The following STK39 variants were observed in gnomAD, a reference collection of about 807,000 sequenced individuals.
The protein encoded by STK39 is serine/threonine kinase 39.
Under a neutral mutation model 77.8 loss-of-function variants are expected in STK39, and 20 were observed. The ratio of observed to expected loss-of-function variants is 0.26; its 90% CI spans 0.18 to 0.37. The LOEUF (loss-of-function observed/expected upper bound fraction) is 0.37, where lower values mean the gene tolerates loss of function less well. Ranked by LOEUF, STK39 falls within the 10% of genes least tolerant of loss-of-function variation. The pLI is 1.00. For synonymous variants in STK39, 246 were observed against 234.1 expected (o/e 1.05, Z -0.47); for missense variants, 479 against 656.5 (o/e 0.73, Z 2.95).
At chr2:168,032,432 GT>G (rs1422727312) in intron 14 of STK39, among the ~76,000 whole-genome samples, 1 of 152,174 alleles carries the variant, frequency 6.6e-6, no homozygotes, top group African/African-American at 2.4e-5. Context: ...GGGGTAATGT[GT>G]TTTCCATACC....
At chr2:168,084,860 A>G (rs192789042) in intron 10 of STK39, among the ~76,000 whole-genome samples, 2 of 152,344 alleles carry the variant, frequency 1.3e-5, no homozygotes, top group Admixed American at 1.3e-4. Flanking sequence ...AGAATTCAGA[A>G]AGGTCTAAGG....
chr2:168,084,243 G>A (rs1267210101), intron 10 of STK39, among the ~76,000 whole-genome samples: 1 of 152,114 alleles, frequency 6.6e-6, no homozygotes, highest in African/African-American at 2.4e-5. Flanking sequence ...GGATGTGCTA[G>A]GACTTGAGGA....
intron 5 of STK39, among the ~76,000 whole-genome samples, chr2:168,160,676 T>G (rs1688546591): frequency 6.6e-6 from 1 of 152,182 alleles, no homozygotes; most frequent in South Asian, 2.1e-4. Flanking sequence ...TACTAAGTGG[T>G]GGCCTCAGAA....
Position 168,110,709 on chromosome 2 carries a change from C to T in STK39, c.1089+18832G>A, listed in dbSNP as rs185055109. ...TTATTTGATTCCCTTTATCATTTGT[C>T]TATCCCTAATGTCACAATGTTTTAT... On this transcript the variant is annotated intron_variant, in intron 10 of 17. Transcript: ENST00000355999. Among the ~76,000 whole-genome samples, 20 of 152,256 alleles carry T rather than the reference C, an allele frequency of 1.3e-4. No individual in the cohort carries two copies. In the East Asian group the frequency reaches 3.7e-3, roughly 28 times the overall value.
At chr2:168,121,722 C>T (rs1265121654) in intron 10 of STK39, among the ~76,000 whole-genome samples, 2 of 152,148 alleles carry the variant, frequency 1.3e-5, no homozygotes, top group Admixed American at 6.5e-5. Context: ...TCCAGTCTTC[C>T]GTAGCCACAA....
At chr2:168,126,868 G>T (rs115149839) in intron 10 of STK39, among the ~76,000 whole-genome samples, 4 of 152,208 alleles carry the variant, frequency 2.6e-5, no homozygotes, top group African/African-American at 9.6e-5. Context: ...CAGGATAACA[G>T]CAAAACAGGC....
chr2:168,052,055 C>T (rs1009738510), intron 14 of STK39, among the ~76,000 whole-genome samples: 5 of 151,550 alleles, frequency 3.3e-5, no homozygotes, highest in Non-Finnish European at 5.9e-5. Context: ...AGAAACATAG[C>T]ACATCCACAC....
chr2:168,112,044 G>T (rs1687132674), intron 10 of STK39, among the ~76,000 whole-genome samples: 1 of 151,914 alleles, frequency 6.6e-6, no homozygotes, highest in Admixed American at 6.6e-5. Flanking sequence ...CAATTAGGAT[G>T]GTCCCTGCTC....
intron 10 of STK39, among the ~76,000 whole-genome samples, chr2:168,097,086 G>A (rs555014241): frequency 7.9e-5 from 12 of 152,310 alleles, no homozygotes; most frequent in African/African-American, 2.6e-4. Flanking sequence ...GTACCACCAA[G>A]TATATCACTT....
At chr2:168,093,202 C>T (rs935840069) in intron 10 of STK39, among the ~76,000 whole-genome samples, 3 of 152,234 alleles carry the variant, frequency 2.0e-5, no homozygotes, top group Non-Finnish European at 4.4e-5. Context: ...ACCATCTTCT[C>T]AAACTCCCAT....
chr2:168,161,483 T>G (rs1397518769), intron 5 of STK39, among the ~76,000 whole-genome samples: 1 of 152,244 alleles, frequency 6.6e-6, no homozygotes, highest in Non-Finnish European at 1.5e-5. Context: ...TACAAGTGCA[T>G]TTCTTGAAGT....
At chr2:168,224,845 T>C (rs963471846) in intron 1 of STK39, among the ~76,000 whole-genome samples, 5 of 152,220 alleles carry the variant, frequency 3.3e-5, no homozygotes, top group African/African-American at 1.2e-4. Flanking sequence ...CCAGCAACAA[T>C]TCCTGCAAAA....
chr2:168,006,882 A>G (rs1016076399), intron 16 of STK39, among the ~76,000 whole-genome samples: 1 of 152,160 alleles, frequency 6.6e-6, no homozygotes. Flanking sequence ...ATGTCACTAT[A>G]CTGGCCCTTC....
chr2:168,220,945 G>A (rs371919928), intron 1 of STK39, among the ~76,000 whole-genome samples: 35 of 152,192 alleles, frequency 2.3e-4, no homozygotes, highest in Middle Eastern at 6.8e-3. Flanking sequence ...CTTTGGCTTC[G>A]AATGCTGATC....
At chr2:168,245,368 T>C (rs1225337689) in intron 1 of STK39, among the ~76,000 whole-genome samples, 2 of 152,216 alleles carry the variant, frequency 1.3e-5, no homozygotes, top group African/African-American at 2.4e-5. Flanking sequence ...AGGGATCACT[T>C]TTGTTAATTT....
chr2:168,036,355 C>T (rs1046587302), intron 14 of STK39, among the ~76,000 whole-genome samples: 7 of 150,848 alleles, frequency 4.6e-5, no homozygotes, highest in African/African-American at 1.7e-4. Flanking sequence ...AGGACTCCAT[C>T]AGAGTCAGAA....
intron 1 of STK39, among the ~76,000 whole-genome samples, chr2:168,187,904 G>A (rs1015814265): frequency 6.6e-6 from 1 of 152,098 alleles, no homozygotes; most frequent in Non-Finnish European, 1.5e-5. Flanking sequence ...ACATTAGCCT[G>A]TAACATTAGT....
intron 10 of STK39, among the ~76,000 whole-genome samples, chr2:168,124,397 T>A (rs1247464117): frequency 6.6e-6 from 1 of 152,060 alleles, no homozygotes; most frequent in Non-Finnish European, 1.5e-5. Context: ...ATGTGGGTTA[T>A]ATTTTTTATT....
intron 14 of STK39, among the ~76,000 whole-genome samples, chr2:168,033,749 C>T (rs1489275098): frequency 6.6e-6 from 1 of 152,168 alleles, no homozygotes; most frequent in Non-Finnish European, 1.5e-5. Flanking sequence ...CTCAGCCTGT[C>T]CTACCTTGGT....
Sources: gnomAD v4.1 joint callset for allele counts (sites outside exome capture counted in the v4.1 genomes callset) on GRCh38, gnomAD v4.1.1 for gene constraint, MANE v1.5 for transcripts, NCBI Gene and HGNC (gene_info 2026-07-23, HGNC 2026-07-21) for gene names.